The following HS2ST1 variants were observed in gnomAD, a reference collection of about 807,000 sequenced individuals.
HS2ST1 encodes the protein heparan sulfate 2-O-sulfotransferase 1.
A neutral mutation model predicts 42.9 loss-of-function variants in HS2ST1; 18 were observed. The ratio of observed to expected loss-of-function variants is 0.42; its 90% CI spans 0.29 to 0.62. HS2ST1 has a LOEUF of 0.62. Ranked by LOEUF, HS2ST1 falls within the 20% of genes least tolerant of loss-of-function variation. The pLI, the probability that HS2ST1 is intolerant of heterozygous loss-of-function variation, is 0.21. For missense variants in HS2ST1, 334 were observed against 433.8 expected (o/e 0.77, Z 2.04); for synonymous variants, 146 against 152.9 (o/e 0.95, Z 0.33).
intron 1 of HS2ST1, among the ~76,000 whole-genome samples, chr1:87,025,740 C>G (rs1433841109): frequency 1.3e-5 from 2 of 152,174 alleles, no homozygotes; most frequent in Non-Finnish European, 2.9e-5. Flanking sequence ...TCCCCACAAC[C>G]CCCAACTCTT....
At chr1:87,030,404 A>G (rs557586057) in intron 1 of HS2ST1, among the ~76,000 whole-genome samples, 5 of 152,090 alleles carry the variant, frequency 3.3e-5, no homozygotes, top group Non-Finnish European at 7.4e-5. Flanking sequence ...AGGCTGAAGC[A>G]GGAGGATCGC....
chr1:86,997,675 C>T (rs12756056), intron 1 of HS2ST1, among the ~76,000 whole-genome samples: 5 of 152,080 alleles, frequency 3.3e-5, no homozygotes, highest in African/African-American at 4.8e-5. Context: ...TCTAAGACCC[C>T]CCAGTAGATG....
intron 1 of HS2ST1, among the ~76,000 whole-genome samples, chr1:87,048,504 T>G (rs1216501559): frequency 1.3e-5 from 2 of 152,162 alleles, no homozygotes; most frequent in African/African-American, 4.8e-5. Context: ...TGTCTTTCAG[T>G]AAAGTATGAT....
Position 87,104,903 on chromosome 1 carries a change from C to A in HS2ST1, c.*207C>A. 1 of 492,894 alleles carries A rather than the reference C, an allele frequency of 2.0e-6. No homozygotes were observed. The highest frequency in any genetic ancestry group is 3.6e-6 in the Non-Finnish European group (1 of 279,174). The allele number at this position is 492,894 out of a possible 1,614,324, so 30.5% of individuals were successfully genotyped here. A position where few individuals can be genotyped will look rare whatever the true frequency, so the allele number is the denominator to read the frequency against. ...TTTCAGGCATTTTTATTTTTCCTGG[C>A]TAAACGTTGGTGAAAGTTATAACCT... On this transcript the variant is annotated 3_prime_UTR_variant, in exon 7 of 7. Transcript: ENST00000370550.
chr1:86,978,047 A>G (rs559371162), intron 1 of HS2ST1, among the ~76,000 whole-genome samples: 2 of 152,314 alleles, frequency 1.3e-5, no homozygotes, highest in Admixed American at 1.3e-4. Flanking sequence ...GATCTTTTCT[A>G]TGCCTAGATA....
intron 1 of HS2ST1, among the ~76,000 whole-genome samples, chr1:87,006,817 C>T (rs528688318): frequency 2.0e-5 from 3 of 152,120 alleles, no homozygotes; most frequent in Admixed American, 1.3e-4. Context: ...AGCTTAATCC[C>T]TTTATTAGCA....
At chr1:86,963,217 G>A (rs1647904847) in intron 1 of HS2ST1, among the ~76,000 whole-genome samples, 1 of 150,452 alleles carries the variant, frequency 6.6e-6, no homozygotes, top group Non-Finnish European at 1.5e-5. Context: ...AGGGGGATTT[G>A]GCAGGGTCAT....
intron 1 of HS2ST1, among the ~76,000 whole-genome samples, chr1:87,049,247 A>G (rs1224747196): frequency 6.6e-6 from 1 of 151,642 alleles, no homozygotes; most frequent in Non-Finnish European, 1.5e-5. Context: ...CTCCTTTGTC[A>G]TTTCTGATAT....
chr1:87,030,398 T>G (rs1650199489), intron 1 of HS2ST1, among the ~76,000 whole-genome samples: 1 of 152,068 alleles, frequency 6.6e-6, no homozygotes, highest in African/African-American at 2.4e-5. Context: ...CTTGGGAGGC[T>G]GAAGCAGGAG....
chr1:86,918,855 CT>C (rs1268825414), intron 1 of HS2ST1, among the ~76,000 whole-genome samples: 1 of 149,462 alleles, frequency 6.7e-6, no homozygotes, highest in African/African-American at 2.5e-5. Flanking sequence ...GTTTATTGCC[CT>C]TTTATTTGTT....
chr1:87,076,222 C>G (rs1475272839), intron 2 of HS2ST1, among the ~76,000 whole-genome samples: 1 of 152,104 alleles, frequency 6.6e-6, no homozygotes, highest in African/African-American at 2.4e-5. Context: ...GGAGGCTTCT[C>G]TAGACTAGAG....
intron 1 of HS2ST1, among the ~76,000 whole-genome samples, chr1:86,976,416 A>G (rs1648400491): frequency 2.6e-5 from 4 of 152,144 alleles, no homozygotes; most frequent in Non-Finnish European, 2.9e-5. Flanking sequence ...TATTAGGACA[A>G]TGCTGAATGC....
At chr1:86,991,445 G>C (rs913792521) in intron 1 of HS2ST1, among the ~76,000 whole-genome samples, 3 of 152,148 alleles carry the variant, frequency 2.0e-5, no homozygotes, top group African/African-American at 7.2e-5. Context: ...TGCCTTATGT[G>C]AACAGGGATT....
chr1:87,011,839 G>C (rs1649605668), intron 1 of HS2ST1, among the ~76,000 whole-genome samples: 2 of 152,206 alleles, frequency 1.3e-5, no homozygotes, highest in African/African-American at 4.8e-5. Context: ...TTGAGGAATT[G>C]ATATTGTAAC....
At chr1:86,966,669 T>C (rs1399594190) in intron 1 of HS2ST1, among the ~76,000 whole-genome samples, 1 of 152,242 alleles carries the variant, frequency 6.6e-6, no homozygotes. Flanking sequence ...TCTTGAACTC[T>C]TGGGCTCAAA....
chr1:86,960,936 A>G (rs779714512), intron 1 of HS2ST1, among the ~76,000 whole-genome samples: 3 of 152,202 alleles, frequency 2.0e-5, no homozygotes, highest in Non-Finnish European at 2.9e-5. Flanking sequence ...AAATGAACTG[A>G]AAACTTTAAG....
intron 1 of HS2ST1, among the ~76,000 whole-genome samples, chr1:87,053,014 G>A (rs1650873747): frequency 6.6e-6 from 1 of 152,140 alleles, no homozygotes; most frequent in Non-Finnish European, 1.5e-5. Flanking sequence ...TAATTCTGAT[G>A]CATGCTCAGT....
chr1:86,924,563 GGTTCTCAAACCTCAGT>G (rs1036933236), intron 1 of HS2ST1, among the ~76,000 whole-genome samples: 4 of 152,156 alleles, frequency 2.6e-5, no homozygotes, highest in Admixed American at 6.5e-5. Flanking sequence ...TCTAGGCTGA[GGTTCTCAAACCTCAGT>G]TCTTGACTTC....
chr1:87,043,025 C>G (rs779739620), intron 1 of HS2ST1, among the ~76,000 whole-genome samples: 22 of 152,066 alleles, frequency 1.4e-4, no homozygotes, highest in Non-Finnish European at 2.5e-4. Context: ...TCCTTTCCCC[C>G]AGCCGTTTCA....
Sources: gnomAD v4.1 joint callset for allele counts (sites outside exome capture counted in the v4.1 genomes callset) on GRCh38, gnomAD v4.1.1 for gene constraint, MANE v1.5 for transcripts, NCBI Gene and HGNC (gene_info 2026-07-23, HGNC 2026-07-21) for gene names.